The following SNX29 variants were observed in gnomAD, a reference collection of about 807,000 sequenced individuals.
SNX29 encodes the protein sorting nexin 29, also known as sorting nexin-29.
Under a neutral mutation model 102.1 loss-of-function variants are expected in SNX29, and 78 were observed. That is an observed-to-expected ratio of 0.76 (90% CI 0.64 to 0.92). The LOEUF (loss-of-function observed/expected upper bound fraction) is 0.92. Among genes scored for constraint, SNX29 ranks in the 40% least tolerant of loss-of-function variants. The pLI, the probability that SNX29 is intolerant of heterozygous loss-of-function variation, is 0.00. For missense variants in SNX29, 1,280 were observed against 1,061.7 expected (o/e 1.21, Z -2.86); for synonymous variants, 580 against 414.5 (o/e 1.40, Z -4.85).
At chr16:12,277,215 T>C (rs1177437155) in intron 14 of SNX29, among the ~76,000 whole-genome samples, 1 of 152,072 alleles carries the variant, frequency 6.6e-6, no homozygotes, top group Admixed American at 6.6e-5. Flanking sequence ...TGGTGAGACC[T>C]TGTCTCTACA....
chr16:12,373,751 C>G (rs2082773549), intron 16 of SNX29: 1 of 152,156 alleles, frequency 6.6e-6, no homozygotes, highest in Non-Finnish European at 1.5e-5. Context: ...ACTACCGATG[C>G]CCTGAACACA....
intron 11 of SNX29, among the ~76,000 whole-genome samples, chr16:12,115,091 C>T (rs374965016): frequency 3.2e-4 from 49 of 152,278 alleles, no homozygotes; most frequent in African/African-American, 1.1e-3. Context: ...TCCTTTAGTA[C>T]AGTCAAGCCC....
chr16:12,041,240 T>C (rs954364698), intron 4 of SNX29, among the ~76,000 whole-genome samples: 2 of 152,132 alleles, frequency 1.3e-5, no homozygotes, highest in African/African-American at 4.8e-5. Flanking sequence ...GCCTCCCGTG[T>C]AGCTGGGATT....
At chr16:12,222,348 C>A (rs560070573) in intron 14 of SNX29, among the ~76,000 whole-genome samples, 53 of 152,286 alleles carry the variant, frequency 3.5e-4, no homozygotes, top group African/African-American at 1.3e-3. Flanking sequence ...TGATGTCAGC[C>A]CATCCTCTAA....
At chr16:12,341,890 T>A (rs1288014005) in intron 15 of SNX29, among the ~76,000 whole-genome samples, 1 of 152,146 alleles carries the variant, frequency 6.6e-6, no homozygotes, top group East Asian at 1.9e-4. Flanking sequence ...GACATTCCCA[T>A]TGTAGGGATT....
At chr16:12,537,723 T>C (rs376155985) in intron 20 of SNX29, among the ~76,000 whole-genome samples, 109 of 152,248 alleles carry the variant, frequency 7.2e-4, no homozygotes, top group African/African-American at 2.3e-3. Context: ...GGAAGCAGAG[T>C]AGGTATTTTT....
At chr16:12,552,625 A>C (rs534112524) in intron 20 of SNX29, among the ~76,000 whole-genome samples, 4 of 151,672 alleles carry the variant, frequency 2.6e-5, no homozygotes, top group Non-Finnish European at 4.4e-5. Flanking sequence ...AGCAAAAACC[A>C]AACACCAAAC....
intron 19 of SNX29, among the ~76,000 whole-genome samples, chr16:12,522,675 G>GTCCCCTTTGCCT (rs1188755501): frequency 6.6e-6 from 1 of 152,122 alleles, no homozygotes; most frequent in Non-Finnish European, 1.5e-5. Flanking sequence ...ATGTGCCTGA[G>GTCCCCTTTGCCT]TCCCCTTTGC....
At chr16:12,122,247 C>T (rs1053520809) in intron 11 of SNX29, among the ~76,000 whole-genome samples, 3 of 152,202 alleles carry the variant, frequency 2.0e-5, no homozygotes, top group African/African-American at 7.2e-5. Context: ...TCTGTCGCCA[C>T]CTTCCTTCGC....
At chr16:12,543,184 T>G (rs1480365559) in intron 20 of SNX29, among the ~76,000 whole-genome samples, 1 of 152,230 alleles carries the variant, frequency 6.6e-6, no homozygotes, top group East Asian at 1.9e-4. Flanking sequence ...GTAGAAGTCC[T>G]AGGAAAAATC....
At chr16:12,024,135 CTTT>C (rs561104149) in intron 3 of SNX29, among the ~76,000 whole-genome samples, 2 of 141,482 alleles carry the variant, frequency 1.4e-5, no homozygotes, top group South Asian at 4.5e-4. Flanking sequence ...TGAGCTAAGT[CTTT>C]TTTTTTTTTT....
intron 13 of SNX29, among the ~76,000 whole-genome samples, chr16:12,153,729 C>T (rs2141605928): frequency 6.6e-6 from 1 of 152,018 alleles, no homozygotes; most frequent in African/African-American, 2.4e-5. Flanking sequence ...CCATCCATCT[C>T]AGCCTCCCAA....
chr16:12,295,932 C>T (rs563751092), intron 15 of SNX29, among the ~76,000 whole-genome samples: 141 of 152,238 alleles, frequency 9.3e-4, no homozygotes, highest in South Asian at 3.1e-3. Context: ...TTAACGTTTC[C>T]AAAAATGAGT....
At chr16:12,551,727 C>T (rs778055363) in intron 20 of SNX29, among the ~76,000 whole-genome samples, 2 of 152,198 alleles carry the variant, frequency 1.3e-5, no homozygotes, top group African/African-American at 4.8e-5. Flanking sequence ...TGAATGGGGA[C>T]AGCTGACAAG....
At position 12,051,928 on chromosome 16, in the gene SNX29, A is replaced by G. The variant is rs762061037; in HGVS notation, c.830A>G (p.Asn277Ser). ...TTTGATGATGAGGAAGATGAGCAGA[A>G]CTCTGGGGACGTGTTTAAAAAGACA... ...ISFDDEEDEQ[N>S]SGDVFKKTPG... Residue 277 changes from asparagine to serine, a missense_variant, in exon 8 of 21, where the codon AAC (asparagine) becomes AGC (serine). By Grantham distance (46) the Asn-to-Ser change is conservative (BLOSUM62 1). Transcript: ENST00000566228. The G allele has an allele frequency of 1.2e-6, 2 of 1,613,620 alleles. No homozygotes were observed. The highest frequency in any genetic ancestry group is 3.3e-5 in the Admixed American group (2 of 59,974).
chr16:12,563,773 G>A (rs1055869353), intron 20 of SNX29, among the ~76,000 whole-genome samples: 7 of 152,172 alleles, frequency 4.6e-5, no homozygotes, highest in African/African-American at 1.7e-4. Context: ...ACCCTTGTCT[G>A]CCGACCTGTC....
chr16:12,538,194 C>T (rs1388705844), intron 20 of SNX29, among the ~76,000 whole-genome samples: 4 of 152,112 alleles, frequency 2.6e-5, no homozygotes, highest in African/African-American at 7.2e-5. Flanking sequence ...AGGCTCACCG[C>T]AAGCTCTGTG....
chr16:12,498,631 G>C lies in SNX29; in HGVS notation c.2178+20772G>C, dbSNP rs540773689. Among the ~76,000 whole-genome samples the C allele has an allele frequency of 5.2e-4, 79 of 152,312 alleles. 1 individual carries two copies. The highest frequency in any genetic ancestry group is 3.4e-3 in the Middle Eastern group (1 of 294). Reference sequence around the variant, plus strand: ...GTTTGCATAGGCTTACAATTTTTGAGTGGGAAGGAGAACAGATAATGCACA... The same window carrying C: ...GTTTGCATAGGCTTACAATTTTTGACTGGGAAGGAGAACAGATAATGCACA... On this transcript the variant is annotated intron_variant, in intron 19 of 20. Coordinates refer to ENST00000566228, the MANE Select transcript of SNX29 (RefSeq NM_032167.5).
chr16:12,394,786 G>A (rs914111575), intron 16 of SNX29, among the ~76,000 whole-genome samples: 1 of 152,190 alleles, frequency 6.6e-6, no homozygotes, highest in Non-Finnish European at 1.5e-5. Context: ...TTGGGCTCCT[G>A]ATATCTTTAC....
Sources: allele counts gnomAD v4.1 joint callset (sites outside exome capture counted in the v4.1 genomes callset), GRCh38; gene constraint gnomAD v4.1.1; transcripts MANE v1.5; gene names NCBI Gene and HGNC (gene_info 2026-07-23, HGNC 2026-07-21).